Variants in DEFB112 observed in about 807,000 individuals in gnomAD.
The protein encoded by DEFB112 is defensin beta 112.
In DEFB112, 2 loss-of-function variants were observed where a neutral mutation model predicts 1.1. The observed-to-expected ratio is 1.85, with a 90% CI of 0.76 to 5.83. DEFB112 has a LOEUF of 5.83. Ranked by LOEUF, DEFB112 falls within the 30% of genes most tolerant of loss-of-function variation. DEFB112 has a pLI of 0.05. For synonymous variants in DEFB112, 40 were observed against 31.2 expected (o/e 1.28, Z -0.93); for missense variants, 120 against 94.4 (o/e 1.27, Z -1.12).
chr6:50,042,616 C>T lies in DEFB112; in HGVS notation c.*959G>A, dbSNP rs1262940872. On this transcript the variant is annotated 3_prime_UTR_variant, in exon 2 of 2. Coordinates refer to ENST00000651554, the MANE Select transcript of DEFB112 (RefSeq NM_001369057.2). ...ATACCAAGCCCTGCAAAACCATCAC[C>T]TATTTTTAGAGTTGATATTTCAAAA... 1.3e-5 allele frequency among the ~76,000 whole-genome samples: 2 copies of T among 152,006 alleles called. No homozygotes were observed. Among genetic ancestry groups the T allele is most frequent in the Non-Finnish European group, 2.9e-5 (2 of 67,934 alleles).
chr6:50,049,069 T>C (rs572678756), intron 1 of DEFB112, among the ~76,000 whole-genome samples: 2 of 152,208 alleles, frequency 1.3e-5, no homozygotes, highest in Non-Finnish European at 2.9e-5. Flanking sequence ...AGAAAAATTA[T>C]TATCTGATTT....
At position 50,044,206 on chromosome 6, in the gene DEFB112, C is replaced by A. The variant is rs115979601; in HGVS notation, c.59-405G>T. ...TTTAAGATTCCATTGTTCTTTTTAACCTGACTTGAGCAGTTCTAAAATATT... is the reference window on the plus strand; with the variant it reads ...TTTAAGATTCCATTGTTCTTTTTAAACTGACTTGAGCAGTTCTAAAATATT... On this transcript the variant is annotated intron_variant, in intron 1 of 1. Coordinates refer to ENST00000651554, the MANE Select transcript of DEFB112 (RefSeq NM_001369057.2). Among the ~76,000 whole-genome samples the A allele has an allele frequency of 2.3e-3, 346 of 152,086 alleles. 1 individual carries two copies. The highest frequency in any genetic ancestry group is 6.0e-3 in the Admixed American group (91 of 15,266).
In DEFB112 at chr6:50,044,411, T is replaced by C. The variant is rs561367810; in HGVS notation, c.59-610A>G. On this transcript the variant is annotated intron_variant, in intron 1 of 1. Coordinates refer to ENST00000651554, the MANE Select transcript of DEFB112 (RefSeq NM_001369057.2). ...CATTTCAGCAAGGCTCATAATTTTC[T>C]AGTTCTACTTTGCCATTTTTCTCTT... Among the ~76,000 whole-genome samples, 7 of 152,262 alleles carry C rather than the reference T, an allele frequency of 4.6e-5. No individual in the cohort carries two copies. The East Asian group carries it at 7.7e-4, about 17-fold the overall frequency.
intron 1 of DEFB112, among the ~76,000 whole-genome samples, chr6:50,047,264 G>A (rs561296811): frequency 1.1e-4 from 17 of 152,292 alleles, no homozygotes; most frequent in African/African-American, 4.1e-4. Flanking sequence ...AGACTTGGAA[G>A]CTCAGTCTTC....
intron 1 of DEFB112, among the ~76,000 whole-genome samples, 186 bp from the exon 2 acceptor site, chr6:50,043,987 A>T (rs769109325): frequency 1.6e-4 from 24 of 152,144 alleles, no homozygotes. Flanking sequence ...TAAACTGTAG[A>T]GGTTCCATTC....
intron 1 of DEFB112, among the ~76,000 whole-genome samples, chr6:50,045,583 G>A (rs887555748): frequency 1.3e-5 from 2 of 152,048 alleles, no homozygotes; most frequent in East Asian, 1.9e-4. Flanking sequence ...GTACATATGT[G>A]TATACAATCA....
intron 1 of DEFB112, among the ~76,000 whole-genome samples, chr6:50,045,632 G>A (rs553296893): frequency 6.6e-6 from 1 of 152,178 alleles, no homozygotes; most frequent in East Asian, 1.9e-4. Context: ...TGAGAAATGT[G>A]CCATTAGGTG....
chr6:50,045,741 G>A, intron 1 of DEFB112, among the ~76,000 whole-genome samples: 1 of 152,054 alleles, frequency 6.6e-6, no homozygotes, highest in Non-Finnish European at 1.5e-5. Flanking sequence ...TATTACTCCT[G>A]ATCTACAAAA....
Position 50,043,195 on chromosome 6 carries a change from A to C in DEFB112, c.*380T>G, listed in dbSNP as rs1252878356. Among the ~76,000 whole-genome samples, 1 of 152,038 alleles carries C rather than the reference A, an allele frequency of 6.6e-6. No homozygotes were observed. The highest frequency in any genetic ancestry group is 1.5e-5 in the Non-Finnish European group (1 of 67,968). On this transcript the variant is annotated 3_prime_UTR_variant, in exon 2 of 2. Transcript: ENST00000651554. ...TTCTTGCAACGATTTTTACTAGTTC[A>C]GGGGTCACATCTCTTATCAACTCTG...
At chr6:50,045,608 A>C (rs1774818889) in intron 1 of DEFB112, among the ~76,000 whole-genome samples, 1 of 152,134 alleles carries the variant, frequency 6.6e-6, no homozygotes, top group Non-Finnish European at 1.5e-5. Context: ...TCACTTAGGG[A>C]CAGGGATATG....
rs185674454 is a variant in DEFB112 at position 50,043,069 on chromosome 6, T to C, written c.*506A>G. ...AGATTATTCTTGGAAAAAAAATCAG[T>C]TATTTTTATTTTCATAATTCTTTCA... is the stretch of plus-strand genomic sequence containing the variant. On this transcript the variant is annotated 3_prime_UTR_variant, in exon 2 of 2. Coordinates refer to ENST00000651554, the MANE Select transcript of DEFB112 (RefSeq NM_001369057.2). Among the ~76,000 whole-genome samples, 28 of 152,156 alleles carry C rather than the reference T, an allele frequency of 1.8e-4. 1 individual carries two copies. In the East Asian group the frequency reaches 4.4e-3, roughly 24 times the overall value.
rs1244947850 is a variant in DEFB112, at chr6:50,043,509, T to C, written c.*66A>G. ...TGCATGCATGGAAATTATAGGTCAT[T>C]AATGAAGTGATGAAATAATGAGAGG... is the stretch of plus-strand genomic sequence containing the variant. On this transcript the variant is annotated 3_prime_UTR_variant, in exon 2 of 2. Transcript: ENST00000651554. The C allele has an allele frequency of 8.2e-6, 10 of 1,221,152 alleles. No individual in the cohort carries two copies. In the East Asian group the frequency reaches 2.4e-4, roughly 29 times the overall value. The allele number at this position is 1,221,152 out of a possible 1,614,324, so 75.6% of individuals were successfully genotyped here.
chr6:50,047,825 A>G (rs897546889), intron 1 of DEFB112, among the ~76,000 whole-genome samples: 1 of 152,138 alleles, frequency 6.6e-6, no homozygotes, highest in African/African-American at 2.4e-5. Flanking sequence ...AAATATCAGT[A>G]TTTTGAACAG....
intron 1 of DEFB112, 21 bp from the exon 2 acceptor site, chr6:50,043,822 C>A (rs758183688): frequency 1.2e-6 from 2 of 1,604,308 alleles, no homozygotes; most frequent in Non-Finnish European, 1.7e-6. Flanking sequence ...GCAAGAACAG[C>A]TGGAATTAGT....
At chr6:50,049,587 A>T (rs1043608557) in intron 1 of DEFB112, among the ~76,000 whole-genome samples, 1 of 152,158 alleles carries the variant, frequency 6.6e-6, no homozygotes, top group African/African-American at 2.4e-5. Flanking sequence ...ATGCATATAT[A>T]TGAATGTATA....
At chr6:50,046,481 ATCT>A (rs1244276784) in intron 1 of DEFB112, among the ~76,000 whole-genome samples, 9 of 152,202 alleles carry the variant, frequency 5.9e-5, no homozygotes, top group African/African-American at 1.9e-4. Context: ...ATATTGAATA[ATCT>A]TCTGTTGGAT....
At chr6:50,046,719 G>C (rs893015887) in intron 1 of DEFB112, among the ~76,000 whole-genome samples, 2 of 152,012 alleles carry the variant, frequency 1.3e-5, no homozygotes, top group African/African-American at 4.8e-5. Context: ...CCCTTTGCTA[G>C]TTATATATGT....
At position 50,042,509 on chromosome 6, in the gene DEFB112, C is replaced by G. The variant is rs1408565758; in HGVS notation, c.*1066G>C. ...CCCTTTTCTTCATGTGGCCTTAGTC[C>G]ACAGGTTGTAAGTCACATAATAACC... On this transcript the variant is annotated 3_prime_UTR_variant, in exon 2 of 2. Transcript: ENST00000651554. Among the ~76,000 whole-genome samples the G allele has an allele frequency of 6.6e-6, 1 of 151,976 alleles. No homozygotes were observed. The highest frequency in any genetic ancestry group is 1.9e-4 in the East Asian group (1 of 5,184).
Position 50,043,609 on chromosome 6 carries a change from G to T in DEFB112, c.251C>A (p.Thr84Asn). The change falls in exon 2 of 2, where the codon ACT becomes AAT. Residue 84 changes from threonine (T) to asparagine (N), a missense_variant. Physicochemically the swap from Thr to Asn is moderately conservative, Grantham distance 65. Transcript: ENST00000651554. ...NNWIPKDSVG[T>N]QEWYPKDSRH Reference sequence around the variant, plus strand: ...TGAGTCTTTAGGGTACCATTCTTGAGTCCCTACTGAGTCCTTTGGGATCCA... The same window carrying T: ...TGAGTCTTTAGGGTACCATTCTTGATTCCCTACTGAGTCCTTTGGGATCCA... 1 of 1,613,426 alleles carries T rather than the reference G, an allele frequency of 6.2e-7. No individual in the cohort carries two copies. The highest frequency in any genetic ancestry group is 8.5e-7 in the Non-Finnish European group (1 of 1,179,580).
Sources: gnomAD v4.1 joint callset for allele counts (sites outside exome capture counted in the v4.1 genomes callset) on GRCh38, gnomAD v4.1.1 for gene constraint, MANE v1.5 for transcripts, NCBI Gene and HGNC (gene_info 2026-07-23, HGNC 2026-07-21) for gene names.